Variants in ATRN observed in about 807,000 individuals in gnomAD.
ATRN encodes the protein attractin, also known as attractin-2.
In ATRN, 54 loss-of-function variants were observed where a neutral mutation model predicts 178.7. The observed-to-expected ratio is 0.30, with a 90% CI of 0.24 to 0.38. The LOEUF (loss-of-function observed/expected upper bound fraction) is 0.38. Among genes scored for constraint, ATRN ranks in the 10% least tolerant of loss-of-function variants. The pLI is 1.00. For missense variants in ATRN, 1,443 were observed against 1,815.1 expected (o/e 0.79, Z 3.73); for synonymous variants, 636 against 663.0 (o/e 0.96, Z 0.63).
At chr20:3,554,092 A>T (rs2085828041) in intron 6 of ATRN, among the ~76,000 whole-genome samples, 1 of 152,118 alleles carries the variant, frequency 6.6e-6, no homozygotes, top group Non-Finnish European at 1.5e-5. Flanking sequence ...GGAAATATTA[A>T]TATCACCTAT....
intron 2 of ATRN, among the ~76,000 whole-genome samples, chr20:3,536,311 C>T (rs1017022137): frequency 6.6e-6 from 1 of 151,974 alleles, no homozygotes; most frequent in Admixed American, 6.5e-5. Context: ...TGGGTTCAAG[C>T]GATTCTCCTG....
chr20:3,624,833 G>C (rs567512415), intron 25 of ATRN, among the ~76,000 whole-genome samples: 1 of 152,140 alleles, frequency 6.6e-6, no homozygotes, highest in African/African-American at 2.4e-5. Flanking sequence ...AATTTTGCAT[G>C]CATCCTATAG....
At chr20:3,595,651 G>A (rs1382773152) in intron 20 of ATRN, among the ~76,000 whole-genome samples, 1 of 152,176 alleles carries the variant, frequency 6.6e-6, no homozygotes, top group African/African-American at 2.4e-5. Context: ...AAAGACATGA[G>A]GTGGCATCAA....
intron 6 of ATRN, among the ~76,000 whole-genome samples, chr20:3,549,817 T>A (rs934801053): frequency 1.3e-5 from 2 of 152,152 alleles, no homozygotes; most frequent in Non-Finnish European, 2.9e-5. Flanking sequence ...AGAAAAAAAT[T>A]TATAAACATT....
In ATRN at chr20:3,647,411, A is replaced by C. The variant is rs1200244962; in HGVS notation, c.*564A>C. 1 of 152,858 alleles carries C rather than the reference A, an allele frequency of 6.5e-6. No homozygotes were observed. Among genetic ancestry groups the C allele is most frequent in the African/African-American group, 2.4e-5 (1 of 41,426 alleles). The allele number at this position is 152,858 out of a possible 1,614,324, so 9.5% of individuals were successfully genotyped here. A position where few individuals can be genotyped will look rare whatever the true frequency, so the allele number is the denominator to read the frequency against. ...AATTAATAATGGTCCATCTCTTTTG[A>C]TCATATCAAGCTAGGATAGAAGGGG... On this transcript the variant is annotated 3_prime_UTR_variant, in exon 29 of 29. Coordinates refer to ENST00000262919, the MANE Select transcript of ATRN (RefSeq NM_139321.3).
At chr20:3,550,432 C>A (rs1048534643) in intron 6 of ATRN, among the ~76,000 whole-genome samples, 1 of 152,138 alleles carries the variant, frequency 6.6e-6, no homozygotes, top group African/African-American at 2.4e-5. Context: ...CAGCTTCGTT[C>A]TTTTTGTGTA....
chr20:3,550,386 A>G (rs1235470297), intron 6 of ATRN, among the ~76,000 whole-genome samples: 1 of 152,158 alleles, frequency 6.6e-6, no homozygotes, highest in African/African-American at 2.4e-5. Flanking sequence ...ACTGTAGCCC[A>G]GGAGTATAGT....
chr20:3,493,681 A>T (rs2084838815), intron 1 of ATRN, among the ~76,000 whole-genome samples: 2 of 152,180 alleles, frequency 1.3e-5, no homozygotes, highest in Admixed American at 6.5e-5. Context: ...CAAGCTAGGC[A>T]TCCACACGGC....
chr20:3,648,107 C>T lies in ATRN; in HGVS notation c.*1260C>T, dbSNP rs1169812833. On this transcript the variant is annotated 3_prime_UTR_variant, in exon 29 of 29. Transcript: ENST00000262919. ...TCAGATGCCAGGAAAGGGACAGCCT[C>T]CCATTGTCAGGCAGAAGCTGCCCAA... The T allele has an allele frequency of 6.6e-6, 1 of 152,206 alleles. No individual in the cohort carries two copies. Among genetic ancestry groups the T allele is most frequent in the Non-Finnish European group, 1.5e-5 (1 of 68,060 alleles). The allele number at this position is 152,206 out of a possible 1,614,324, so 9.4% of individuals were successfully genotyped here. A position where few individuals can be genotyped will look rare whatever the true frequency, so the allele number is the denominator to read the frequency against.
intron 19 of ATRN, among the ~76,000 whole-genome samples, chr20:3,593,692 T>C (rs2086484566): frequency 6.6e-6 from 1 of 152,228 alleles, no homozygotes; most frequent in South Asian, 2.1e-4. Context: ...ATAGTTTTCT[T>C]TGGGTGATTC....
At chr20:3,644,770 A>G (rs912624379) in intron 28 of ATRN, among the ~76,000 whole-genome samples, 2 of 152,186 alleles carry the variant, frequency 1.3e-5, no homozygotes, top group African/African-American at 2.4e-5. Flanking sequence ...ACTGTTTTAA[A>G]TATAAGGCAC....
chr20:3,634,435 T>C, intron 26 of ATRN, 46 bp downstream of exon 26: 1 of 1,542,440 alleles, frequency 6.5e-7, no homozygotes, highest in South Asian at 1.1e-5. Flanking sequence ...GAAGAGCTTT[T>C]TTTCCTTCTT....
At chr20:3,627,613 A>G (rs2086952724) in intron 25 of ATRN, among the ~76,000 whole-genome samples, 1 of 152,228 alleles carries the variant, frequency 6.6e-6, no homozygotes. Flanking sequence ...ATATGTAGCC[A>G]ATGTCAGAAA....
chr20:3,631,365 G>C (rs146915157), intron 25 of ATRN, among the ~76,000 whole-genome samples: 1 of 152,156 alleles, frequency 6.6e-6, no homozygotes, highest in Non-Finnish European at 1.5e-5. Context: ...CAAAAGTCGG[G>C]GGGAAATTCG....
chr20:3,566,642 G>A (rs1010553858), intron 11 of ATRN, among the ~76,000 whole-genome samples: 36 of 152,018 alleles, frequency 2.4e-4, no homozygotes, highest in Admixed American at 6.6e-4. Flanking sequence ...GGTGGCTCAC[G>A]CCTGTAATCC....
At chr20:3,552,248 A>G (rs2085798926) in intron 6 of ATRN, among the ~76,000 whole-genome samples, 1 of 152,082 alleles carries the variant, frequency 6.6e-6, no homozygotes. Context: ...TGGTGACCTC[A>G]TATAGTATCT....
At chr20:3,554,772 T>C (rs535651417) in intron 6 of ATRN, among the ~76,000 whole-genome samples, 1 of 152,258 alleles carries the variant, frequency 6.6e-6, no homozygotes, top group East Asian at 1.9e-4. Context: ...TGTTACCCAA[T>C]GGTCCTCTTG....
intron 14 of ATRN, 91 bp downstream of exon 14, chr20:3,577,088 AG>A: frequency 2.0e-6 from 3 of 1,491,254 alleles, no homozygotes; most frequent in Middle Eastern, 2.1e-4. Flanking sequence ...AACCTAGCAG[AG>A]GGGAAGAGCT....
At chr20:3,536,115 A>C (rs1235624946) in intron 2 of ATRN, among the ~76,000 whole-genome samples, 2 of 152,098 alleles carry the variant, frequency 1.3e-5, no homozygotes, top group African/African-American at 4.8e-5. Context: ...TCTTCATGGG[A>C]GACTTTTAAA....
Sources: allele counts gnomAD v4.1 joint callset (sites outside exome capture counted in the v4.1 genomes callset), GRCh38; gene constraint gnomAD v4.1.1; transcripts MANE v1.5; gene names NCBI Gene and HGNC (gene_info 2026-07-23, HGNC 2026-07-21).